The following ZC2HC1B variants were observed in gnomAD, a reference collection of about 807,000 sequenced individuals.
ZC2HC1B encodes the protein zinc finger C2HC-type containing 1B, also known as zinc finger C2HC domain-containing protein 1B.
In ZC2HC1B, 36 loss-of-function variants were observed where a neutral mutation model predicts 31.0. The ratio of observed to expected loss-of-function variants is 1.16; its 90% CI spans 0.89 to 1.54. The LOEUF (loss-of-function observed/expected upper bound fraction) is 1.54, where lower values mean the gene tolerates loss of function less well. Ranked by LOEUF, ZC2HC1B falls within the 40% of genes most tolerant of loss-of-function variation. The pLI, the probability that ZC2HC1B is intolerant of heterozygous loss-of-function variation, is 0.00. For missense variants in ZC2HC1B, 260 were observed against 268.6 expected (o/e 0.97, Z 0.22); for synonymous variants, 73 against 88.0 (o/e 0.83, Z 0.95).
intron 6 of ZC2HC1B, among the ~76,000 whole-genome samples, chr6:143,935,581 T>G (rs145596136): frequency 8.7e-4 from 132 of 151,758 alleles, no homozygotes; most frequent in African/African-American, 3.1e-3. Flanking sequence ...TGTTGTTGGG[T>G]TTTTTGTTAT....
At chr6:143,878,043 A>T (rs986859878) in intron 1 of ZC2HC1B, among the ~76,000 whole-genome samples, 7 of 150,894 alleles carry the variant, frequency 4.6e-5, no homozygotes, top group Admixed American at 3.3e-4. Flanking sequence ...GATTCTTGTT[A>T]TTCATGGATT....
At chr6:143,920,906 CAAAA>C (rs59847897) in intron 6 of ZC2HC1B, among the ~76,000 whole-genome samples, 4 of 91,462 alleles carry the variant, frequency 4.4e-5, no homozygotes, top group Admixed American at 2.4e-4. Context: ...GACTCCGTCT[CAAAA>C]AAAAAAAAAA....
rs75389167 is a variant in ZC2HC1B, at chr6:143,868,466, A to ATT, written c.28+3908_28+3909dup. On this transcript the variant is annotated intron_variant, in intron 1 of 7. Coordinates refer to ENST00000237275, the MANE Select transcript of ZC2HC1B (RefSeq NM_001013623.3). This position sits in a 1 kb window ranked among gnomAD's most constrained non-coding sequence, Gnocchi z 4.2. ...GGCTAGGCCAGTCTAGTCTTTTCACATTTTTTTTTTCTGCCTGCTTTAGAT... is the reference window on the plus strand; with the variant it reads ...GGCTAGGCCAGTCTAGTCTTTTCACATTTTTTTTTTTTCTGCCTGCTTTAGAT... Among the ~76,000 whole-genome samples, 7,859 of 150,426 alleles carry ATT rather than the reference A, an allele frequency of 0.052. 199 individuals carry two copies. Among genetic ancestry groups the ATT allele is most frequent in the South Asian group, 0.083 (392 of 4,736 alleles).
At chr6:143,893,984 C>A (rs1669337720) in intron 4 of ZC2HC1B, among the ~76,000 whole-genome samples, 3 of 152,158 alleles carry the variant, frequency 2.0e-5, no homozygotes, top group Non-Finnish European at 4.4e-5. Context: ...CCGCGCCCGG[C>A]CTGCACTGGT....
rs1778150008 is a variant in ZC2HC1B, at chr6:143,933,943, A to C, written c.599-3706A>C. Among the ~76,000 whole-genome samples, 1 of 152,152 alleles carries C rather than the reference A, an allele frequency of 6.6e-6. No homozygotes were observed. Among genetic ancestry groups the C allele is most frequent in the Non-Finnish European group, 1.5e-5 (1 of 68,014 alleles). The stretch of plus-strand genomic sequence containing the variant: ...TTCTTTCACCCTGTGACCCCTCTCA[A>C]ATTCTGCCAGTTGCCTTCCCCGAGG... On this transcript the variant is annotated intron_variant, in intron 6 of 7. Coordinates refer to ENST00000237275, the MANE Select transcript of ZC2HC1B (RefSeq NM_001013623.3). The surrounding 1 kb of genome is among the most constrained non-coding windows in gnomAD (Gnocchi z 6.4).
chr6:143,893,382 T>A (rs1426041337), intron 4 of ZC2HC1B, among the ~76,000 whole-genome samples: 1 of 152,028 alleles, frequency 6.6e-6, no homozygotes, highest in South Asian at 2.1e-4. Flanking sequence ...CCGGCCAACA[T>A]GGCAAAACCC....
intron 1 of ZC2HC1B, chr6:143,881,765 T>G (rs1205897153): frequency 6.6e-6 from 1 of 152,126 alleles, no homozygotes. Flanking sequence ...ATCTCCCTGT[T>G]TGATTCAGCT....
chr6:143,907,808 T>G (rs1384369131), intron 6 of ZC2HC1B, among the ~76,000 whole-genome samples: 1 of 152,200 alleles, frequency 6.6e-6, no homozygotes, highest in Non-Finnish European at 1.5e-5. Flanking sequence ...ATTTTTGCAT[T>G]TGTTGCAATT....
chr6:143,936,180 A>C (rs1186843727), intron 6 of ZC2HC1B, among the ~76,000 whole-genome samples: 1 of 152,216 alleles, frequency 6.6e-6, no homozygotes, highest in East Asian at 1.9e-4. Flanking sequence ...GAGTCTTATG[A>C]GAAGACATAG....
intron 6 of ZC2HC1B, among the ~76,000 whole-genome samples, chr6:143,907,437 C>A (rs2128495668): frequency 6.6e-6 from 1 of 152,272 alleles, no homozygotes; most frequent in East Asian, 1.9e-4. Context: ...ACCTTGCCAG[C>A]ATCTGTTATT....
In ZC2HC1B at chr6:143,870,557, G is replaced by A. The variant is rs1777324206; in HGVS notation, c.28+5990G>A. 6.6e-6 allele frequency among the ~76,000 whole-genome samples: 1 copy of A among 152,168 alleles called. No individual in the cohort carries two copies. Reference sequence around the variant, plus strand: ...CTTCCATTTGATGATGGATGCTGCTGTGCATGACCCACTTTATGGCTAGAT... The same window carrying A: ...CTTCCATTTGATGATGGATGCTGCTATGCATGACCCACTTTATGGCTAGAT... On this transcript the variant is annotated intron_variant, in intron 1 of 7. Coordinates refer to ENST00000237275, the MANE Select transcript of ZC2HC1B (RefSeq NM_001013623.3). This position sits in a 1 kb window ranked among gnomAD's most constrained non-coding sequence, Gnocchi z 4.7.
In ZC2HC1B at chr6:143,937,715, A is replaced by T; in HGVS notation, c.665A>T (p.Asp222Val). ...RQGFSKSSKK[D>V] ...GGATTTAGTAAATCTTCTAAAAAAG[A>T]TTAACTCCTAGAAGCCAGGTAAGAA... The change falls in exon 7 of 8, where the codon GAT becomes GTT. Residue 222 changes from aspartate to valine, a missense_variant. Transcript: ENST00000237275. The T allele has an allele frequency of 6.4e-7, 1 of 1,550,728 alleles. No individual in the cohort carries two copies. The highest frequency in any genetic ancestry group is 8.7e-7 in the Non-Finnish European group (1 of 1,146,642).
chr6:143,936,899 G>C (rs552538454), intron 6 of ZC2HC1B, among the ~76,000 whole-genome samples: 2 of 152,166 alleles, frequency 1.3e-5, no homozygotes, highest in Non-Finnish European at 2.9e-5. Context: ...ACCAGTTTAT[G>C]TTTCAGTAAA....
At position 143,917,949 on chromosome 6, in the gene ZC2HC1B, A is replaced by G. The variant is rs949911319; in HGVS notation, c.598+14797A>G. Among the ~76,000 whole-genome samples the G allele has an allele frequency of 6.6e-6, 1 of 152,260 alleles. No individual in the cohort carries two copies. Among genetic ancestry groups the G allele is most frequent in the African/African-American group, 2.4e-5 (1 of 41,470 alleles). ...TCTTCGATCATGTAGAAAACAAAAA[A>G]GTGGAGTTGCAAACCATTATTACAA... On this transcript the variant is annotated intron_variant, in intron 6 of 7. Coordinates refer to ENST00000237275, the MANE Select transcript of ZC2HC1B (RefSeq NM_001013623.3). The surrounding 1 kb of genome is among the most constrained non-coding windows in gnomAD (Gnocchi z 4.1).
At chr6:143,875,329 A>ATT (rs1777392695) in intron 1 of ZC2HC1B, among the ~76,000 whole-genome samples, 1 of 136,952 alleles carries the variant, frequency 7.3e-6, no homozygotes, top group African/African-American at 2.7e-5. Flanking sequence ...AAAGTGACTA[A>ATT]TCCACTCCAC....
intron 6 of ZC2HC1B, among the ~76,000 whole-genome samples, chr6:143,907,736 C>G (rs1429641667): frequency 6.6e-6 from 1 of 152,282 alleles, no homozygotes; most frequent in East Asian, 1.9e-4. Flanking sequence ...TGTGTGTTCA[C>G]TCTATTGGTA....
At chr6:143,900,601 G>A (rs1375462785) in intron 5 of ZC2HC1B, among the ~76,000 whole-genome samples, 1 of 152,016 alleles carries the variant, frequency 6.6e-6, no homozygotes, top group African/African-American at 2.4e-5. Context: ...GTCCTTGAAT[G>A]AGGGCCTGGA....
rs1777332637 is a variant in ZC2HC1B, at chr6:143,871,311, CTGAA to C, written c.28+6746_28+6749del. ...GAAGCAAAAAGTGATCAAGGTCTCT[CTGAA>C]TAAGATTATGACACAAAGCCAAACA... On this transcript the variant is annotated intron_variant, in intron 1 of 7. Coordinates refer to ENST00000237275, the MANE Select transcript of ZC2HC1B (RefSeq NM_001013623.3). The surrounding 1 kb of genome is among the most constrained non-coding windows in gnomAD (Gnocchi z 4.1). 6.6e-6 allele frequency among the ~76,000 whole-genome samples: 1 copy of C among 152,294 alleles called. No homozygotes were observed. Among genetic ancestry groups the C allele is most frequent in the African/African-American group, 2.4e-5 (1 of 41,570 alleles).
intron 5 of ZC2HC1B, among the ~76,000 whole-genome samples, chr6:143,900,390 C>CAAA (rs200482247): frequency 1.2e-5 from 1 of 84,410 alleles, no homozygotes; most frequent in Non-Finnish European, 2.4e-5. Flanking sequence ...AACTCCGTCT[C>CAAA]AAAAAAAAAA....
Sources: allele counts gnomAD v4.1 joint callset (sites outside exome capture counted in the v4.1 genomes callset), GRCh38; gene constraint gnomAD v4.1.1; non-coding constraint Gnocchi (gnomAD v3.1); transcripts MANE v1.5; gene names NCBI Gene and HGNC (gene_info 2026-07-23, HGNC 2026-07-21).